SESN1: variants seen among roughly 807,000 people sequenced by gnomAD.
The protein encoded by SESN1 is sestrin-1.
A neutral mutation model predicts 59.3 loss-of-function variants in SESN1; 30 were observed. The observed-to-expected ratio is 0.51, with a 90% CI of 0.38 to 0.69. SESN1 has a LOEUF of 0.69. Ranked by LOEUF, SESN1 falls within the 30% of genes least tolerant of loss-of-function variation. SESN1 has a pLI of 0.00. For synonymous variants in SESN1, 197 were observed against 219.9 expected (o/e 0.90, Z 0.92); for missense variants, 566 against 673.0 (o/e 0.84, Z 1.76).
intron 6 of SESN1, 141 bp downstream of exon 6, chr6:108,994,321 T>C: frequency 1.7e-6 from 1 of 575,536 alleles, no homozygotes; most frequent in African/African-American, 1.9e-5. Flanking sequence ...TTAAAAATTA[T>C]TTGTAAATAG....
At chr6:109,004,516 A>C (rs1779691049) in intron 1 of SESN1, among the ~76,000 whole-genome samples, 1 of 150,772 alleles carries the variant, frequency 6.6e-6, no homozygotes, top group Non-Finnish European at 1.5e-5. Context: ...GGCTCACTGC[A>C]GCCTCTGCCT....
At chr6:109,058,075 T>C (rs1317950013) in intron 1 of SESN1, among the ~76,000 whole-genome samples, 1 of 152,052 alleles carries the variant, frequency 6.6e-6, no homozygotes, top group Non-Finnish European at 1.5e-5. Flanking sequence ...TGTTTAGATA[T>C]ATTAATTAAT....
At chr6:108,995,771 G>A (rs945227099) in intron 5 of SESN1, among the ~76,000 whole-genome samples, 2 of 152,064 alleles carry the variant, frequency 1.3e-5, no homozygotes, top group Non-Finnish European at 2.9e-5. Context: ...ACAACAGAGA[G>A]AGACTTTGTC....
rs116504310 is a variant in SESN1 at position 109,079,062 on chromosome 6, G to A, written c.279+14733C>T. On this transcript the variant is annotated intron_variant, in intron 1 of 9. Transcript: ENST00000436639. ...GACTGGAATTGGATATTTCTTTATCGGAATAATTACCACTAAGAGAATAAA... is the reference window on the plus strand; with the variant it reads ...GACTGGAATTGGATATTTCTTTATCAGAATAATTACCACTAAGAGAATAAA... Among the ~76,000 whole-genome samples the A allele has an allele frequency of 8.0e-3, 1,211 of 151,682 alleles. 21 individuals carry two copies. Among genetic ancestry groups the A allele is most frequent in the African/African-American group, 0.028 (1,143 of 41,320 alleles).
chr6:108,999,214 T>C (rs1779566039), intron 4 of SESN1: 1 of 153,088 alleles, frequency 6.5e-6, no homozygotes, highest in South Asian at 2.0e-4. Flanking sequence ...TGATTAAATA[T>C]TCCTAAATCA....
chr6:109,029,359 A>G (rs1157857917), intron 1 of SESN1, among the ~76,000 whole-genome samples: 1 of 152,236 alleles, frequency 6.6e-6, no homozygotes, highest in African/African-American at 2.4e-5. Context: ...ATTTATGGCA[A>G]TTGTACTATT....
chr6:109,037,509 A>G (rs1378995243), intron 1 of SESN1, among the ~76,000 whole-genome samples: 2 of 152,200 alleles, frequency 1.3e-5, no homozygotes, highest in African/African-American at 2.4e-5. Context: ...TATATTCAGC[A>G]TCTAGTCCAA....
chr6:109,062,642 C>G (rs1033566109), intron 1 of SESN1, among the ~76,000 whole-genome samples: 1 of 152,180 alleles, frequency 6.6e-6, no homozygotes, highest in Admixed American at 6.5e-5. Flanking sequence ...TGTATTAAAA[C>G]ATGAATTCAT....
intron 1 of SESN1, among the ~76,000 whole-genome samples, chr6:109,059,096 T>TACAC (rs373238799): frequency 3.6e-4 from 54 of 149,818 alleles, no homozygotes; most frequent in African/African-American, 9.8e-4. Context: ...TATCACTTCA[T>TACAC]ACACACACAC....
intron 1 of SESN1, among the ~76,000 whole-genome samples, chr6:109,034,277 G>T (rs528190085): frequency 6.6e-6 from 1 of 152,186 alleles, no homozygotes; most frequent in South Asian, 2.1e-4. Flanking sequence ...AGGTATTGAT[G>T]TATTTTTTAA....
intron 1 of SESN1, among the ~76,000 whole-genome samples, chr6:109,028,794 GAA>G (rs1454567491): frequency 6.6e-6 from 1 of 152,050 alleles, no homozygotes; most frequent in African/African-American, 2.4e-5. Flanking sequence ...CAGTGCACTG[GAA>G]AAAGAGACCA....
chr6:109,011,801 A>G lies in SESN1; in HGVS notation c.280-9458T>C, dbSNP rs191459628. Among the ~76,000 whole-genome samples the G allele has an allele frequency of 1.6e-4, 25 of 151,586 alleles. No individual in the cohort carries two copies. The East Asian group carries it at 4.9e-3, about 29-fold the overall frequency. On this transcript the variant is annotated intron_variant, in intron 1 of 9. Transcript: ENST00000436639. The stretch of plus-strand genomic sequence containing the variant: ...AGGCCACCACACCCGGCTACTTTTT[A>G]AATTTTTTGTAGAGATAGGGTCTCA...
chr6:109,029,513 T>C (rs1013636416), intron 1 of SESN1, among the ~76,000 whole-genome samples: 1 of 152,158 alleles, frequency 6.6e-6, no homozygotes, highest in African/African-American at 2.4e-5. Context: ...GCCACTCCTT[T>C]CCTCCAATAA....
chr6:108,997,072 T>C (rs1779514959), intron 5 of SESN1, among the ~76,000 whole-genome samples: 3 of 152,160 alleles, frequency 2.0e-5, no homozygotes, highest in Non-Finnish European at 4.4e-5. Flanking sequence ...CATTTGTATC[T>C]GAAGAGCTGA....
intron 1 of SESN1, among the ~76,000 whole-genome samples, chr6:109,091,258 G>A (rs890377529): frequency 1.1e-4 from 16 of 152,222 alleles, no homozygotes; most frequent in Middle Eastern, 3.4e-3. Flanking sequence ...CACGCTGTAC[G>A]GGTTTGTAGC....
intron 6 of SESN1, among the ~76,000 whole-genome samples, chr6:108,993,656 G>A (rs1779439772): frequency 6.6e-6 from 1 of 152,076 alleles, no homozygotes; most frequent in African/African-American, 2.4e-5. Context: ...ATTATCTCCT[G>A]TAGCCTGCAT....
intron 1 of SESN1, among the ~76,000 whole-genome samples, chr6:109,038,911 AAGGAGG>A (rs10688675): frequency 3.4e-4 from 51 of 149,790 alleles, no homozygotes; most frequent in African/African-American, 1.1e-3. Context: ...AGAAAAAAGG[AAGGAGG>A]AGGAGGAGGA....
intron 1 of SESN1, among the ~76,000 whole-genome samples, chr6:109,021,909 C>T (rs1251335379): frequency 6.6e-6 from 1 of 152,148 alleles, no homozygotes; most frequent in African/African-American, 2.4e-5. Flanking sequence ...CCAAATATTA[C>T]TGAAAGTTTC....
intron 1 of SESN1, among the ~76,000 whole-genome samples, chr6:109,014,270 A>G (rs1583272892): frequency 6.6e-6 from 1 of 152,322 alleles, no homozygotes; most frequent in East Asian, 1.9e-4. Context: ...CAGGTTTTCT[A>G]GGCTGATAAT....
Sources: gnomAD v4.1 joint callset for allele counts (sites outside exome capture counted in the v4.1 genomes callset) on GRCh38, gnomAD v4.1.1 for gene constraint, MANE v1.5 for transcripts, NCBI Gene and HGNC (gene_info 2026-07-23, HGNC 2026-07-21) for gene names.